Variants in TCF12 observed in about 807,000 individuals in gnomAD.
The protein encoded by TCF12 is DNA-binding protein HTF4.
In TCF12, 45 loss-of-function variants were observed where a neutral mutation model predicts 86.0. The ratio of observed to expected loss-of-function variants is 0.52; its 90% CI spans 0.41 to 0.67. The LOEUF is 0.67. TCF12 is among the 30% of genes least tolerant of loss of function. The pLI is 0.00. For synonymous variants in TCF12, 330 were observed against 299.6 expected, an observed-to-expected ratio of 1.10 and a Z score of -1.05; for missense variants, 881 against 859.9, an observed-to-expected ratio of 1.02 and a Z score of -0.31.
chr15:57,056,113 A>AGG (rs1415859439), intron 3 of TCF12, among the ~76,000 whole-genome samples: 96 of 82,754 alleles, frequency 1.2e-3, no homozygotes, highest in African/African-American at 3.0e-3. Context: ...ACTTAGTTTT[A>AGG]GGGGTGTGTG....
chr15:57,015,892 A>T (rs2065125268), intron 3 of TCF12, among the ~76,000 whole-genome samples: 2 of 152,198 alleles, frequency 1.3e-5, no homozygotes, highest in African/African-American at 4.8e-5. Flanking sequence ...CTTAGTTCTT[A>T]TATAGAAGCC....
At chr15:57,279,066 C>T (rs911239393) in intron 19 of TCF12, among the ~76,000 whole-genome samples, 6 of 151,210 alleles carry the variant, frequency 4.0e-5, no homozygotes, top group Admixed American at 2.6e-4. Context: ...ACAATCATGG[C>T]TCACTGCAGT....
At chr15:57,246,722 ACATTG>A (rs2059879899) in intron 13 of TCF12, among the ~76,000 whole-genome samples, 1 of 152,152 alleles carries the variant, frequency 6.6e-6, no homozygotes, top group African/African-American at 2.4e-5. Flanking sequence ...TACTGACACT[ACATTG>A]CATTAGTCAG....
At chr15:57,102,733 A>G (rs1032577920) in intron 5 of TCF12, among the ~76,000 whole-genome samples, 6 of 152,286 alleles carry the variant, frequency 3.9e-5, no homozygotes, top group Admixed American at 2.0e-4. Context: ...TTCTGGAGCT[A>G]TACTGCCTCT....
rs148879126 is a variant in TCF12, at chr15:57,232,766, A to G, written c.880A>G (p.Met294Val). ...PTDINTSLPP[M>V]SSFHRGSTSS... ...AGACATAAACACGAGTCTTCCACCA[A>G]TGTCCAGCTTTCATCGCGGCAGTAC... Residue 294 changes from methionine (M) to valine (V), a missense_variant, in exon 11 of 21, where the codon ATG becomes GTG. Met to Val is a conservative substitution (Grantham distance 21). Around this residue, in one of 3 missense-constraint regions of TCF12, gnomAD observed 766 missense variants for 718.9 expected, o/e 1.07. Transcript: ENST00000333725. 1.2e-5 allele frequency: 20 copies of G among 1,612,050 alleles called. No individual in the cohort carries two copies. Among genetic ancestry groups the G allele is most frequent in the East Asian group, 8.9e-5 (4 of 44,702 alleles).
intron 3 of TCF12, among the ~76,000 whole-genome samples, chr15:57,026,256 G>A (rs1040117977): frequency 3.3e-5 from 5 of 152,186 alleles, no homozygotes; most frequent in African/African-American, 1.2e-4. Context: ...TAGTGGGCTG[G>A]ATTTCACCAG....
chr15:57,123,968 C>G (rs1359119833), intron 5 of TCF12, among the ~76,000 whole-genome samples: 1 of 81,076 alleles, frequency 1.2e-5, no homozygotes, highest in East Asian at 3.4e-4. Flanking sequence ...GACTCCGTCT[C>G]AAAAAAAAAA....
chr15:57,242,945 C>T (rs949000091), intron 12 of TCF12, among the ~76,000 whole-genome samples: 9 of 152,192 alleles, frequency 5.9e-5, no homozygotes, highest in Non-Finnish European at 1.0e-4. Context: ...TTTTACAACA[C>T]TCAATCATTT....
At chr15:57,281,496 GAACGAACGGGCTGGCTGCA>G (rs2061686713) in intron 19 of TCF12, among the ~76,000 whole-genome samples, 1 of 152,138 alleles carries the variant, frequency 6.6e-6, no homozygotes, top group East Asian at 1.9e-4. Flanking sequence ...GGCCTGTTAC[GAACGAACGGGCTGGCTGCA>G]CCGCAGGAGG....
At chr15:57,085,386 C>A (rs1287340716) in intron 4 of TCF12, among the ~76,000 whole-genome samples, 1 of 152,162 alleles carries the variant, frequency 6.6e-6, no homozygotes, top group Non-Finnish European at 1.5e-5. Context: ...CCGATGTAGA[C>A]CTGATTCATT....
At chr15:57,207,991 G>A (rs1232380462) in intron 8 of TCF12, among the ~76,000 whole-genome samples, 1 of 150,670 alleles carries the variant, frequency 6.6e-6, no homozygotes. Flanking sequence ...TAGACTTTAG[G>A]GATTTAAATA....
At chr15:56,968,417 A>G (rs1229821474) in intron 3 of TCF12, among the ~76,000 whole-genome samples, 1 of 145,704 alleles carries the variant, frequency 6.9e-6, no homozygotes, top group Non-Finnish European at 1.5e-5. Context: ...GCTGGAGTGT[A>G]GTCACTGTTC....
At chr15:56,948,317 A>G (rs1464695584) in intron 3 of TCF12, among the ~76,000 whole-genome samples, 8 of 152,076 alleles carry the variant, frequency 5.3e-5, no homozygotes, top group Non-Finnish European at 1.2e-4. Context: ...ATTTATTGCT[A>G]AAGTCCATGC....
intron 3 of TCF12, among the ~76,000 whole-genome samples, chr15:56,935,587 T>A (rs1343167388): frequency 6.6e-6 from 1 of 152,190 alleles, no homozygotes; most frequent in East Asian, 1.9e-4. Flanking sequence ...CCAAGCAGTA[T>A]ACACTGAACA....
chr15:57,015,897 G>C (rs2065126096), intron 3 of TCF12, among the ~76,000 whole-genome samples: 2 of 152,120 alleles, frequency 1.3e-5, no homozygotes, highest in Non-Finnish European at 2.9e-5. Context: ...TTCTTATATA[G>C]AAGCCAGACA....
chr15:57,239,708 C>T (rs1566967960), intron 12 of TCF12, among the ~76,000 whole-genome samples: 1 of 152,014 alleles, frequency 6.6e-6, no homozygotes, highest in East Asian at 1.9e-4. Flanking sequence ...TTGTGGATAT[C>T]GGTGTCTCCA....
intron 18 of TCF12, among the ~76,000 whole-genome samples, chr15:57,263,859 T>G (rs1219099562): frequency 1.5e-4 from 23 of 152,026 alleles, no homozygotes; most frequent in Admixed American, 1.4e-3. Flanking sequence ...AAATAAAAGA[T>G]AAAAAATGGT....
At chr15:56,963,668 G>C (rs570693377) in intron 3 of TCF12, among the ~76,000 whole-genome samples, 1 of 152,280 alleles carries the variant, frequency 6.6e-6, no homozygotes, top group South Asian at 2.1e-4. Context: ...TATGAAAGGA[G>C]GTTCCTACCC....
chr15:57,220,896 G>C (rs781507658), intron 8 of TCF12, among the ~76,000 whole-genome samples: 7 of 151,976 alleles, frequency 4.6e-5, no homozygotes, highest in South Asian at 2.1e-4. Flanking sequence ...CTTAGTGAAG[G>C]GGGGGAGAGG....
Sources: gnomAD v4.1 joint callset for allele counts (sites outside exome capture counted in the v4.1 genomes callset) on GRCh38, gnomAD v4.1.1 for gene constraint, gnomAD v4.1.1 regional missense constraint, MANE v1.5 for transcripts, NCBI Gene and HGNC (gene_info 2026-07-23, HGNC 2026-07-21) for gene names.